Variants in PLCH2 observed in about 807,000 individuals in gnomAD.
PLCH2 encodes the protein 1-phosphatidylinositol 4,5-bisphosphate phosphodiesterase eta-2.
A neutral mutation model predicts 134.7 loss-of-function variants in PLCH2; 98 were observed. The ratio of observed to expected loss-of-function variants is 0.73; its 90% confidence interval spans 0.62 to 0.86. PLCH2 has a LOEUF of 0.86. Among genes scored for constraint, PLCH2 ranks in the 40% least tolerant of loss-of-function variants. The pLI, the probability that PLCH2 is intolerant of heterozygous loss-of-function variation, is 0.00. For synonymous variants in PLCH2, 974 were observed against 827.5 expected (o/e 1.18, Z -3.04); for missense variants, 1,994 against 1,986.6 (o/e 1.00, Z -0.07).
At position 2,469,684 on chromosome 1, in the gene PLCH2, G is replaced by C. The variant is rs1460541104; in HGVS notation, c.43+2022G>C. ...TGGGGAAGGGGATGAGTAATCCAAC[G>C]TGCCTGTTTCTTCCCGGGATTTTGC... On this transcript the variant is annotated intron_variant, in intron 1 of 21. Coordinates refer to the PLCH2 transcript ENST00000449969. Among the ~76,000 whole-genome samples, 3 of 152,220 alleles carry C rather than the reference G, an allele frequency of 2.0e-5. No individual in the cohort carries two copies. The East Asian group carries it at 5.8e-4, about 29-fold the overall frequency.
intron 2 of PLCH2, among the ~76,000 whole-genome samples, chr1:2,462,424 ACCTGACACCCCTCTG>A (rs1402942256): frequency 7.4e-5 from 6 of 80,728 alleles, no homozygotes. Flanking sequence ...ACACCCCTCC[ACCTGACACCCCTCTG>A]CCTGACACCC....
At chr1:2,483,678 CATGGGATTCCCAT>C (rs1642095755) in intron 4 of PLCH2, among the ~76,000 whole-genome samples, 1 of 152,088 alleles carries the variant, frequency 6.6e-6, no homozygotes, top group Non-Finnish European at 1.5e-5. Context: ...TTATTGCTGC[CATGGGATTCCCAT>C]GGCCCCTGTA....
At chr1:2,443,053 T>C (rs1639761707) in intron 2 of PLCH2, among the ~76,000 whole-genome samples, 1 of 152,168 alleles carries the variant, frequency 6.6e-6, no homozygotes, top group Non-Finnish European at 1.5e-5. Flanking sequence ...GTGGAAGAGT[T>C]GACTGGTGTG....
chr1:2,487,554 T>G, intron 7 of PLCH2, 44 bp from the exon 8 acceptor site: 1 of 1,589,774 alleles, frequency 6.3e-7, no homozygotes. Flanking sequence ...CTGGGCTCAC[T>G]GTGGCTAGGC....
rs1639527377 is a variant in PLCH2, at chr1:2,438,262, G to A, written c.115+7633G>A. The stretch of plus-strand genomic sequence containing the variant: ...CCCGGCCCTGTGCAGGCGACAGTTG[G>A]TTTACAAGGAAGTGTGCACTGGGCC... On this transcript the variant is annotated intron_variant, in intron 2 of 3. Coordinates refer to the PLCH2 transcript ENST00000609981. Among the ~76,000 whole-genome samples the A allele has an allele frequency of 3.3e-5, 5 of 152,256 alleles. No individual in the cohort carries two copies. The South Asian group carries it at 8.3e-4, about 25-fold the overall frequency.
intron 20 of PLCH2, 117 bp downstream of exon 20, chr1:2,499,837 G>A (rs925315356): frequency 6.2e-6 from 5 of 810,826 alleles, no homozygotes; most frequent in Admixed American, 2.0e-5. Flanking sequence ...GAGGCCTAGG[G>A]TCCCCTCCCC....
rs768305121 is a variant in PLCH2, at chr1:2,498,524, C to T, written c.2226C>T (p.Gly742=). 2.2e-5 allele frequency: 35 copies of T among 1,607,674 alleles called. No individual in the cohort carries two copies. Among genetic ancestry groups the T allele is most frequent in the Non-Finnish European group, 2.7e-5 (32 of 1,178,854 alleles). Reference sequence around the variant, plus strand: ...ACCACCTCCCCGGCATCCCCTCAGGCGTGTTCAACCCCAACTCGGAGGACC... The same window carrying T: ...ACCACCTCCCCGGCATCCCCTCAGGTGTGTTCAACCCCAACTCGGAGGACC... ...YVLKPGCMCQ[G]VFNPNSEDPL... Residue 742 remains glycine (G), a splice_region_variant and synonymous_variant, in exon 17 of 22, where the codon GGC becomes GGT. Transcript: ENST00000378486. This position sits in a 1 kb window ranked among gnomAD's most constrained non-coding sequence, Gnocchi z 5.4.
upstream of PLCH2, among the ~76,000 whole-genome samples, chr1:2,423,165 GTTTTT>G (rs759846444): frequency 1.4e-5 from 2 of 142,224 alleles, no homozygotes; most frequent in African/African-American, 5.0e-5. Flanking sequence ...GTTTTATTTA[GTTTTT>G]TTGTTTGTTT....
rs910531108 is a variant in PLCH2 at position 2,494,940 on chromosome 1, A to C, written c.1744A>C (p.Arg582=). The part of the protein sequence containing the change: ...NGRLVVGSFS[R]RKKKGSKLKK... ...CCGCCTCGTCGTGGGAAGCTTCTCC[A>C]GGCGCAAGGTCCGGCGCAGCTCCCA... Residue 582 remains arginine, a synonymous_variant, in exon 12 of 22, where the codon AGG becomes CGG. Transcript: ENST00000378486. The C allele has an allele frequency of 1.9e-6, 3 of 1,592,574 alleles. No homozygotes were observed. Among genetic ancestry groups the C allele is most frequent in the Non-Finnish European group, 2.6e-6 (3 of 1,172,000 alleles).
Position 2,489,884 on chromosome 1 carries a change from G to A in PLCH2, c.1515+17G>A. On this transcript the variant is annotated intron_variant, in intron 10 of 21. Transcript: ENST00000378486. ...AATGGGGATGTGAGTCGGGCTGGAG[G>A]TGGAGGGGGGCGCGTGGAGCCTGCA... 1.3e-6 allele frequency: 2 copies of A among 1,552,390 alleles called. No homozygotes were observed. The highest frequency in any genetic ancestry group is 1.4e-5 in the African/African-American group (1 of 73,796).
At chr1:2,471,100 C>A (rs1391229320) in intron 1 of PLCH2, among the ~76,000 whole-genome samples, 1 of 152,164 alleles carries the variant, frequency 6.6e-6, no homozygotes, top group East Asian at 1.9e-4. Flanking sequence ...TAATAGGGTC[C>A]CCTTCCTGAT....
At position 2,476,552 on chromosome 1, in the gene PLCH2, G is replaced by C. The variant is rs185436945; in HGVS notation, c.-37G>C. 1 of 1,462,850 alleles carries C rather than the reference G, an allele frequency of 6.8e-7. No individual in the cohort carries two copies. Among genetic ancestry groups the C allele is most frequent in the Admixed American group, 2.6e-5 (1 of 37,882 alleles). The allele number at this position is 1,462,850 out of a possible 1,614,324, so 90.6% of individuals were successfully genotyped here. Reference sequence around the variant, plus strand: ...GCTGCCCGAAGGCCGGTGGGCCTCTGTGGCCTCCGTGAAGCAGGCCCGGCT... The same window carrying C: ...GCTGCCCGAAGGCCGGTGGGCCTCTCTGGCCTCCGTGAAGCAGGCCCGGCT... On this transcript the variant is annotated 5_prime_UTR_variant, in exon 1 of 22. Transcript: ENST00000378486.
chr1:2,443,704 G>T (rs1471445402), intron 2 of PLCH2, among the ~76,000 whole-genome samples: 1 of 148,050 alleles, frequency 6.8e-6, no homozygotes, highest in African/African-American at 2.4e-5. Context: ...TCCCGGCGCG[G>T]GGCGGGCAGG....
chr1:2,432,501 T>C (rs1639115555), intron 2 of PLCH2, among the ~76,000 whole-genome samples: 1 of 152,212 alleles, frequency 6.6e-6, no homozygotes, highest in Admixed American at 6.5e-5. Context: ...TTAGAGCAGC[T>C]TGATCCAGCT....
chr1:2,431,806 T>C (rs1010673383), intron 2 of PLCH2, among the ~76,000 whole-genome samples: 2 of 152,140 alleles, frequency 1.3e-5, no homozygotes, highest in African/African-American at 2.4e-5. Flanking sequence ...TGGTGGATGC[T>C]GAGGGAGGGC....
intron 2 of PLCH2, among the ~76,000 whole-genome samples, chr1:2,454,229 A>G (rs1195081454): frequency 1.3e-5 from 2 of 152,040 alleles, no homozygotes; most frequent in East Asian, 1.9e-4. Context: ...GCAGCACTGG[A>G]GGTGACCTGG....
chr1:2,447,905 T>G (rs1425374851), intron 2 of PLCH2, among the ~76,000 whole-genome samples: 1 of 152,184 alleles, frequency 6.6e-6, no homozygotes, highest in East Asian at 1.9e-4. Context: ...CGTCCCTCCC[T>G]GGCTGCGGGA....
Position 2,480,691 on chromosome 1 carries a change from C to A in PLCH2, c.645+379C>A, listed in dbSNP as rs1027285690. 3.3e-5 allele frequency among the ~76,000 whole-genome samples: 5 copies of A among 152,226 alleles called. No homozygotes were observed. The East Asian group carries it at 9.6e-4, about 29-fold the overall frequency. ...CCCCGCAGCCTCGAGGGGGGTACAC[C>A]AGCCCTGGCAGGGCCCAGTCTGATG... On this transcript the variant is annotated intron_variant, in intron 4 of 21. Coordinates refer to ENST00000378486, the MANE Select transcript of PLCH2 (RefSeq NM_014638.4).
the PLCH2 span, among the ~76,000 whole-genome samples, chr1:2,416,755 G>A: frequency 6.6e-6 from 1 of 152,240 alleles, no homozygotes; most frequent in Non-Finnish European, 1.5e-5. Context: ...TTAGGACAGG[G>A]GTGCAGAGTG....
Sources: gnomAD v4.1 joint callset for allele counts (sites outside exome capture counted in the v4.1 genomes callset) on GRCh38, gnomAD v4.1.1 for gene constraint, Gnocchi (gnomAD v3.1) non-coding constraint, MANE v1.5 for transcripts, NCBI Gene and HGNC (gene_info 2026-07-23, HGNC 2026-07-21) for gene names.